Variants in PTGER3 observed in about 807,000 individuals in gnomAD.
PTGER3 encodes prostaglandin E receptor 3.
A neutral mutation model predicts 34.7 loss-of-function variants in PTGER3; 22 were observed. The ratio of observed to expected loss-of-function variants is 0.63; its 90% confidence interval spans 0.45 to 0.91. PTGER3 has a LOEUF of 0.91. Ranked by LOEUF, PTGER3 falls within the 40% of genes least tolerant of loss-of-function variation. The pLI is 0.00. For synonymous variants in PTGER3, 241 were observed against 230.1 expected, an observed-to-expected ratio of 1.05 and a Z score of -0.43; for missense variants, 468 against 519.4, an observed-to-expected ratio of 0.90 and a Z score of 0.96.
chr1:71,040,251 A>G (rs1276949069), intron 1 of PTGER3, among the ~76,000 whole-genome samples: 3 of 152,094 alleles, frequency 2.0e-5, no homozygotes, highest in Non-Finnish European at 4.4e-5. Flanking sequence ...TCTAAGGCCA[A>G]AAGTAATTGC....
At chr1:71,024,658 T>C (rs1002837350) in intron 1 of PTGER3, among the ~76,000 whole-genome samples, 5 of 147,558 alleles carry the variant, frequency 3.4e-5, no homozygotes, top group Non-Finnish European at 7.5e-5. Flanking sequence ...TTTTTTTTTT[T>C]TTTTTTTTGC....
At chr1:70,896,285 TA>T (rs1161414431) in intron 4 of PTGER3, among the ~76,000 whole-genome samples, 1 of 152,158 alleles carries the variant, frequency 6.6e-6, no homozygotes, top group Non-Finnish European at 1.5e-5. Flanking sequence ...AGGAGGACAT[TA>T]GGGTGGGCCT....
At chr1:70,913,917 T>C (rs561957859) in intron 4 of PTGER3, among the ~76,000 whole-genome samples, 2 of 152,040 alleles carry the variant, frequency 1.3e-5, no homozygotes, top group African/African-American at 4.8e-5. Context: ...TGAAAGATAA[T>C]GTTATGTAGT....
chr1:70,898,060 T>G (rs1646760062), intron 4 of PTGER3, among the ~76,000 whole-genome samples: 1 of 152,064 alleles, frequency 6.6e-6, no homozygotes, highest in South Asian at 2.1e-4. Flanking sequence ...CTATGGATAT[T>G]TTTTACCTTA....
intron 4 of PTGER3, among the ~76,000 whole-genome samples, chr1:70,913,414 A>G (rs1647103644): frequency 6.6e-6 from 1 of 151,936 alleles, no homozygotes; most frequent in African/African-American, 2.4e-5. Context: ...AGGACTTTTT[A>G]CATAGATGAT....
chr1:71,013,026 A>G (rs901889083), intron 1 of PTGER3, among the ~76,000 whole-genome samples: 6 of 152,184 alleles, frequency 3.9e-5, no homozygotes, highest in African/African-American at 1.4e-4. Context: ...AATAAACAGC[A>G]TAACACAGGT....
chr1:71,024,117 C>G (rs577981479), intron 1 of PTGER3, among the ~76,000 whole-genome samples: 2 of 152,224 alleles, frequency 1.3e-5, no homozygotes, highest in East Asian at 3.9e-4. Context: ...GTTCTCTAGC[C>G]TAAGTTCTCA....
chr1:70,941,420 T>A (rs1649749323), intron 4 of PTGER3, among the ~76,000 whole-genome samples: 1 of 152,212 alleles, frequency 6.6e-6, no homozygotes, highest in Non-Finnish European at 1.5e-5. Context: ...CTATGATTAC[T>A]ATAGTTGACC....
At chr1:70,870,558 C>A (rs1557617584) in intron 4 of PTGER3, among the ~76,000 whole-genome samples, 1 of 152,200 alleles carries the variant, frequency 6.6e-6, no homozygotes, top group Non-Finnish European at 1.5e-5. Flanking sequence ...GCTCTGCTTT[C>A]CTTTTAAATA....
Position 70,897,679 on chromosome 1 carries a change from A to G in PTGER3, c.*24-44820T>C, listed in dbSNP as rs1646750137. Reference sequence around the variant, plus strand: ...TCTTTGCCTCCAGCCAAGGTCCATCACTTCACAAAAACCTGGTTAAAAGCT... The same window carrying G: ...TCTTTGCCTCCAGCCAAGGTCCATCGCTTCACAAAAACCTGGTTAAAAGCT... On this transcript the variant is annotated intron_variant, in intron 4 of 4. Transcript: ENST00000370931. Among the ~76,000 whole-genome samples, 3 of 152,056 alleles carry G rather than the reference A, an allele frequency of 2.0e-5. No homozygotes were observed. In the South Asian group the frequency reaches 6.2e-4, roughly 31 times the overall value.
In PTGER3 at chr1:70,974,235, C is replaced by T. The variant is rs147424849; in HGVS notation, c.1169+62G>A. 1,430 of 1,586,626 alleles carry T rather than the reference C, an allele frequency of 9.0e-4. 22 individuals are homozygous for T. The African/African-American group carries it at 0.017, about 19-fold the overall frequency. ...TGGTCTGCCTTTGTAGCATCAACTC[C>T]GATTAGAACAGAGAGACGGGGGAAG... On this transcript the variant is annotated intron_variant, in intron 3 of 3. Coordinates refer to ENST00000306666, the MANE Select transcript of PTGER3 (RefSeq NM_198719.2).
At chr1:70,929,519 T>C (rs1222920182) in intron 4 of PTGER3, among the ~76,000 whole-genome samples, 1 of 152,202 alleles carries the variant, frequency 6.6e-6, no homozygotes, top group East Asian at 1.9e-4. Context: ...TCAAATACTT[T>C]GTAATACACA....
intron 1 of PTGER3, among the ~76,000 whole-genome samples, chr1:71,043,390 A>T (rs1454111152): frequency 6.6e-6 from 1 of 152,234 alleles, no homozygotes; most frequent in East Asian, 1.9e-4. Context: ...CTTTTGTTTA[A>T]GGATACATAA....
chr1:70,976,700 A>T (rs915587105), intron 2 of PTGER3, among the ~76,000 whole-genome samples: 1 of 152,174 alleles, frequency 6.6e-6, no homozygotes, highest in Non-Finnish European at 1.5e-5. Context: ...ACCATATGTC[A>T]GGTGATGCCA....
chr1:70,907,448 C>T (rs942278082), intron 4 of PTGER3, among the ~76,000 whole-genome samples: 3 of 152,210 alleles, frequency 2.0e-5, no homozygotes, highest in Non-Finnish European at 2.9e-5. Flanking sequence ...AAGCCAGAAG[C>T]CTTCAAAGAA....
intron 4 of PTGER3, among the ~76,000 whole-genome samples, chr1:70,877,967 G>C (rs72669128): frequency 0.19 from 28,989 of 152,094 alleles, 3,494 homozygotes; most frequent in Admixed American, 0.35. Context: ...CTCATAGAAT[G>C]AGTTAGGGAG....
intron 1 of PTGER3, among the ~76,000 whole-genome samples, chr1:71,037,399 C>T (rs751328967): frequency 2.0e-5 from 3 of 152,180 alleles, no homozygotes; most frequent in Admixed American, 6.5e-5. Context: ...AGCACTCTCT[C>T]GAGCAACGTA....
intron 4 of PTGER3, among the ~76,000 whole-genome samples, chr1:70,866,931 G>T (rs138621782): frequency 9.6e-4 from 147 of 152,344 alleles, no homozygotes; most frequent in Admixed American, 2.0e-3. Flanking sequence ...TCCATGCTAA[G>T]TTACAGCCTG....
chr1:70,930,467 C>T (rs1366867008), intron 4 of PTGER3, among the ~76,000 whole-genome samples: 2 of 152,198 alleles, frequency 1.3e-5, no homozygotes, highest in Non-Finnish European at 2.9e-5. Context: ...CACATTCTTT[C>T]CAGTTTCCTG....
Sources: allele counts gnomAD v4.1 joint callset (sites outside exome capture counted in the v4.1 genomes callset), GRCh38; gene constraint gnomAD v4.1.1; transcripts MANE v1.5; gene names NCBI Gene and HGNC (gene_info 2026-07-23, HGNC 2026-07-21).